MAGEB16: variants seen among roughly 807,000 people sequenced by gnomAD.
MAGEB16 encodes melanoma-associated antigen B16.
For synonymous variants in MAGEB16, 95 were observed against 92.1 expected, an observed-to-expected ratio of 1.03 and a Z score of -0.18; for missense variants, 217 against 234.0, an observed-to-expected ratio of 0.93 and a Z score of 0.47.
At chrX:35,798,803 G>A (rs1184139005) in intron 1 of MAGEB16, 1 of 111,463 alleles carries the variant, frequency 9.0e-6, no homozygotes, top group Non-Finnish European at 1.9e-5. Context: ...TCTGATATAG[G>A]CAGTGTCGTG....
At chrX:35,799,579 T>C (rs1223085412) in intron 1 of MAGEB16, among the ~76,000 whole-genome samples, 1 of 111,039 alleles carries the variant, frequency 9.0e-6, no homozygotes, top group South Asian at 3.8e-4. Flanking sequence ...GTTCCAGGCC[T>C]TGGCAGGTTT....
exon 2 of MAGEB16, chrX:35,803,192 C>A (rs779196451): frequency 1.3e-4 from 142 of 1,129,041 alleles, no homozygotes; most frequent in Non-Finnish European, 1.5e-4. Context: ...ACTCCATTTC[C>A]ACAGCCACTG....
At chrX:35,802,358 T>A (rs755050653) in exon 2 of MAGEB16, 8 of 1,209,389 alleles carry the variant, frequency 6.6e-6, no homozygotes, top group Non-Finnish European at 7.8e-6. Context: ...AGGAAGCTCC[T>A]GCTGCTAAGG....
At chrX:35,801,846 T>C (rs913514037) in intron 1 of MAGEB16, among the ~76,000 whole-genome samples, 1 of 112,603 alleles carries the variant, frequency 8.9e-6, no homozygotes, top group African/African-American at 3.2e-5. Context: ...CTTCTGGCCA[T>C]CAACTGATGA....
In MAGEB16 at chrX:35,803,089, A is replaced by G. The variant is rs1399908509; in HGVS notation, c.893A>G (p.His298Arg). 1.1e-5 allele frequency: 13 copies of G among 1,209,677 alleles called. No homozygotes were observed. Among genetic ancestry groups the G allele is most frequent in the Non-Finnish European group, 1.3e-5 (12 of 894,975 alleles). ...GTCCTGGAGTTTGTGGCCAAAGTTC[A>G]TGGGTCTTACCCACATTCTTTCCCA... The change falls in exon 2 of 2, where the codon CAT (histidine) becomes CGT (arginine). Residue 298 changes from histidine to arginine, a missense_variant. Transcript: ENST00000399988.
intron 1 of MAGEB16, among the ~76,000 whole-genome samples, chrX:35,800,247 C>T (rs1010749848): frequency 9.0e-6 from 1 of 111,034 alleles, no homozygotes; most frequent in Non-Finnish European, 1.9e-5. Flanking sequence ...CATTCCAGTA[C>T]ATTTGGGATC....
chrX:35,802,010 C>A, intron 1 of MAGEB16, 121 bp from the exon 2 acceptor site: 1 of 474,317 alleles, frequency 2.1e-6, no homozygotes, highest in Non-Finnish European at 3.5e-6. Flanking sequence ...AACACAATAT[C>A]AGATCTGTGA....
chrX:35,802,800 A>G, exon 2 of MAGEB16: 1 of 1,211,597 alleles, frequency 8.3e-7, no homozygotes, highest in Non-Finnish European at 1.1e-6. Context: ...GGGTGTGCCC[A>G]AGACTGGCCT....
In MAGEB16 at chrX:35,802,118, C is replaced by T. The variant is rs1379931478; in HGVS notation, c.-66-13C>T. 6.9e-6 allele frequency: 8 copies of T among 1,155,278 alleles called. No individual in the cohort carries two copies. Among genetic ancestry groups the T allele is most frequent in the Non-Finnish European group, 9.4e-6 (8 of 855,488 alleles). On this transcript the variant is annotated splice_polypyrimidine_tract_variant and intron_variant, in intron 1 of 1. Transcript: ENST00000399988. ...CCAGCTGAGGACATTTACACCCTTTCTCTCTCCCTTAGGCAGTGATTCTTC... is the reference window on the plus strand; with the variant it reads ...CCAGCTGAGGACATTTACACCCTTTTTCTCTCCCTTAGGCAGTGATTCTTC...
chrX:35,799,037 A>AT (rs77411234), intron 1 of MAGEB16, among the ~76,000 whole-genome samples: 1,492 of 92,478 alleles, frequency 0.016, 16 homozygotes, highest in African/African-American at 0.025. Context: ...TGCGCGGCTA[A>AT]TTTTTTTTTT....
intron 1 of MAGEB16, among the ~76,000 whole-genome samples, chrX:35,800,845 C>T (rs1305591072): frequency 9.0e-6 from 1 of 111,615 alleles, no homozygotes; most frequent in Admixed American, 9.5e-5. Context: ...CCACAGAGCC[C>T]TGTCCTGCTT....
exon 2 of MAGEB16, chrX:35,802,685 G>T: frequency 8.3e-7 from 1 of 1,211,645 alleles, no homozygotes; most frequent in Admixed American, 2.2e-5. Flanking sequence ...AGCACCTAGA[G>T]ATGATATTTG....
chrX:35,800,540 TG>T (rs1167821113), intron 1 of MAGEB16: 5 of 523,126 alleles, frequency 9.6e-6, no homozygotes, highest in Middle Eastern at 3.1e-4. Context: ...TATCAGAAGA[TG>T]GGGACTGAAG....
chrX:35,801,503 C>T (rs1934862097), intron 1 of MAGEB16: 1 of 112,070 alleles, frequency 8.9e-6, no homozygotes, highest in Non-Finnish European at 1.9e-5. Context: ...ATGGGTAAAG[C>T]TGTTAGGTGG....
chrX:35,803,141 GGAA>G (rs1487948525), exon 2 of MAGEB16: 1 of 1,190,045 alleles, frequency 8.4e-7, no homozygotes. Flanking sequence ...CTCTGAAAGA[GGAA>G]GAAGAGAGAG....
At chrX:35,800,493 A>G in intron 1 of MAGEB16, 1 of 524,269 alleles carries the variant, frequency 1.9e-6, no homozygotes, top group South Asian at 2.5e-5. Flanking sequence ...CCACAGGGAG[A>G]TGAGATTTTT....
At chrX:35,799,244 A>G (rs1934842146) in intron 1 of MAGEB16, among the ~76,000 whole-genome samples, 1 of 110,070 alleles carries the variant, frequency 9.1e-6, no homozygotes, top group African/African-American at 3.3e-5. Context: ...TGCCTAGGCC[A>G]TGTTGTCATT....
chrX:35,799,354 G>T (rs1408858287), intron 1 of MAGEB16, among the ~76,000 whole-genome samples: 1 of 111,223 alleles, frequency 9.0e-6, no homozygotes, highest in African/African-American at 3.3e-5. Flanking sequence ...TAGCCGACTG[G>T]AGGGAACACA....
chrX:35,799,911 TG>T (rs1426815268), intron 1 of MAGEB16, among the ~76,000 whole-genome samples: 1 of 111,586 alleles, frequency 9.0e-6, no homozygotes, highest in Non-Finnish European at 1.9e-5. Flanking sequence ...TTTTTGGTTT[TG>T]GGCAAGTGTA....
Sources: allele counts gnomAD v4.1 joint callset (sites outside exome capture counted in the v4.1 genomes callset), GRCh38; gene constraint gnomAD v4.1.1; transcripts MANE v1.5; gene names NCBI Gene and HGNC (gene_info 2026-07-23, HGNC 2026-07-21).